CLUAP1: variants seen among roughly 807,000 people sequenced by gnomAD.
CLUAP1 encodes intraflagellar transport 38, also known as clusterin-associated protein 1.
Under a neutral mutation model 55.0 loss-of-function variants are expected in CLUAP1, and 50 were observed. The ratio of observed to expected loss-of-function variants is 0.91; its 90% CI spans 0.72 to 1.15. CLUAP1 has a LOEUF of 1.15. Among genes scored for constraint, CLUAP1 ranks in the 50% most tolerant of loss-of-function variants. CLUAP1 has a pLI of 0.00. For synonymous variants in CLUAP1, 195 were observed against 175.4 expected (o/e 1.11, Z -0.88); for missense variants, 530 against 507.6 (o/e 1.04, Z -0.42).
At chr16:3,496,289 G>A, upstream of CLUAP1, 1 of 851,200 alleles carries the variant, frequency 1.2e-6, no homozygotes, top group Non-Finnish European at 1.9e-6. Context: ...CTGTTTGTTG[G>A]TCAAGCTGTA....
At position 3,530,603 on chromosome 16, in the gene CLUAP1, G is replaced by A. The variant is rs371808643; in HGVS notation, c.964G>A (p.Asp322Asn). The change falls in exon 10 of 12, where the codon GAT becomes AAT. Residue 322 changes from aspartate to asparagine, a missense_variant. Asp to Asn is a conservative substitution (Grantham distance 23). Coordinates refer to ENST00000576634, the MANE Select transcript of CLUAP1 (RefSeq NM_015041.3). ...CTCGGACATAGACATCCAGGAGGAC[G>A]ATGAATCCGACAGTGAGTTGGAAGA... Reference protein sequence around the residue: ...DDSDIDIQEDDESDSELEERR... With the variant: ...DDSDIDIQEDNESDSELEERR... The A allele has an allele frequency of 2.7e-5, 44 of 1,613,930 alleles. No homozygotes were observed. The Admixed American group carries it at 3.2e-4, about 12-fold the overall frequency.
chr16:3,517,041 T>TA (rs955208362), intron 6 of CLUAP1, among the ~76,000 whole-genome samples: 2 of 151,622 alleles, frequency 1.3e-5, no homozygotes, highest in African/African-American at 4.8e-5. Flanking sequence ...TTCACTGGCA[T>TA]AAAAAAATAA....
At position 3,536,373 on chromosome 16, in the gene CLUAP1, G is replaced by T; in HGVS notation, c.*102G>T. On this transcript the variant is annotated 3_prime_UTR_variant, in exon 12 of 12. Coordinates refer to ENST00000576634, the MANE Select transcript of CLUAP1 (RefSeq NM_015041.3). ...TAACCCCTGTTTTGTTTACTAAGCT[G>T]GCTGGACTCATGATCACTGAAGCAA... is the stretch of plus-strand genomic sequence containing the variant. 7.8e-7 allele frequency: 1 copy of T among 1,276,690 alleles called. No homozygotes were observed. The highest frequency in any genetic ancestry group is 1.1e-6 in the Non-Finnish European group (1 of 916,812). 79.1% of individuals were successfully genotyped at this position (1,276,690 alleles called of 1,614,324 possible). A position where few individuals can be genotyped will look rare whatever the true frequency, so the allele number is the denominator to read the frequency against.
chr16:3,521,934 C>T (rs1596396621), intron 7 of CLUAP1, among the ~76,000 whole-genome samples: 1 of 151,954 alleles, frequency 6.6e-6, no homozygotes, highest in Non-Finnish European at 1.5e-5. Context: ...TGGCACATGT[C>T]TGTAGTCCCA....
intron 7 of CLUAP1, among the ~76,000 whole-genome samples, chr16:3,521,792 C>T (rs981822548): frequency 3.3e-5 from 5 of 151,532 alleles, no homozygotes; most frequent in African/African-American, 1.2e-4. Flanking sequence ...CAGTGATTCA[C>T]GTCTATAATC....
rs61672090 is a variant in CLUAP1, at chr16:3,507,680, T to TTGTGTGTGTGTG, written c.220-582_220-571dup. On this transcript the variant is annotated intron_variant, in intron 3 of 11. Transcript: ENST00000576634. ...CACTATTTTAAATCTCTTCCAGAGT[T>TTGTGTGTGTGTG]TGTGTGTGTGTGTGTGTGTGTGTGT... 6.2e-3 allele frequency among the ~76,000 whole-genome samples: 881 copies of TTGTGTGTGTGTG among 143,072 alleles called. 7 individuals are homozygous for TTGTGTGTGTGTG. Among genetic ancestry groups the TTGTGTGTGTGTG allele is most frequent in the East Asian group, 0.021 (105 of 4,960 alleles). The allele number at this position is 143,072 out of a possible 152,430, so 93.9% of individuals were successfully genotyped here.
rs2037507290 is a variant in CLUAP1 at position 3,506,405 on chromosome 16, C to T, written c.209C>T (p.Ala70Val). The T allele has an allele frequency of 6.2e-7, 1 of 1,612,684 alleles. No individual in the cohort carries two copies. The highest frequency in any genetic ancestry group is 8.5e-7 in the Non-Finnish European group (1 of 1,178,666). The change falls in exon 3 of 12, where the codon GCC becomes GTC. Residue 70 changes from alanine to valine, a missense_variant. Ala to Val is a moderately conservative substitution (Grantham distance 64, BLOSUM62 0). Coordinates refer to ENST00000576634, the MANE Select transcript of CLUAP1 (RefSeq NM_015041.3). ...QDRVFFIKAI[A>V]QFMATKAHIK... is the part of the protein sequence containing the mutation. ...CGAGTTTTCTTCATTAAGGCAATTG[C>T]CCAGTTCATGGTTAGTGGACACTTA...
At chr16:3,507,298 A>G (rs2037526240) in intron 3 of CLUAP1, among the ~76,000 whole-genome samples, 1 of 152,108 alleles carries the variant, frequency 6.6e-6, no homozygotes, top group Non-Finnish European at 1.5e-5. Flanking sequence ...CATGCCTGTA[A>G]TCCTAGCACT....
chr16:3,508,722 G>A (rs1049673716), intron 4 of CLUAP1, among the ~76,000 whole-genome samples: 1 of 150,248 alleles, frequency 6.7e-6, no homozygotes. Context: ...GACAAAAATC[G>A]TGTGTTTATT....
In CLUAP1 at chr16:3,508,410, A is replaced by T. The variant is rs2037550812; in HGVS notation, c.341A>T (p.Glu114Val). The change falls in exon 4 of 12, where the codon GAG (glutamate) becomes GTG (valine). Residue 114 changes from glutamate (E) to valine (V), a missense_variant. Coordinates refer to ENST00000576634, the MANE Select transcript of CLUAP1 (RefSeq NM_015041.3). ...LYNAMKTKGM[E>V]GSEIVEEDVN... The stretch of plus-strand genomic sequence containing the variant: ...AATGCTATGAAGACCAAGGGGATGG[A>T]GGGCTCTGAAATAGTAGAGGAAGAT... 1.3e-6 allele frequency: 2 copies of T among 1,597,098 alleles called. No homozygotes were observed. The highest frequency in any genetic ancestry group is 1.7e-6 in the Non-Finnish European group (2 of 1,176,070).
At chr16:3,500,268 G>A (rs77986209), upstream of CLUAP1, among the ~76,000 whole-genome samples, 17 of 152,362 alleles carry the variant, frequency 1.1e-4, no homozygotes, top group East Asian at 3.3e-3. Context: ...CTGCCTCTGG[G>A]CGCCCACAGT....
intron 7 of CLUAP1, among the ~76,000 whole-genome samples, chr16:3,521,066 C>G (rs558181231): frequency 6.6e-6 from 1 of 152,098 alleles, no homozygotes; most frequent in East Asian, 1.9e-4. Flanking sequence ...CTGGAGGCAG[C>G]GACAGCAACC....
At chr16:3,495,465 A>G in the CLUAP1 span, 1 of 1,598,858 alleles carries the variant, frequency 6.3e-7, no homozygotes, top group Non-Finnish European at 8.5e-7. Context: ...ACTTGGGTGC[A>G]GCAGGGCCCT....
chr16:3,500,835 T>G (rs1265583149), upstream of CLUAP1: 1 of 573,044 alleles, frequency 1.7e-6, no homozygotes, highest in African/African-American at 1.9e-5. Context: ...GCAGCCCTCA[T>G]AGACGCCGGT....
At chr16:3,519,200 C>G (rs1195609035) in intron 6 of CLUAP1, among the ~76,000 whole-genome samples, 2 of 152,180 alleles carry the variant, frequency 1.3e-5, no homozygotes, top group Non-Finnish European at 1.5e-5. Flanking sequence ...TCAGTGGGCC[C>G]GTGTCCCCCT....
intron 3 of CLUAP1, among the ~76,000 whole-genome samples, chr16:3,506,736 C>G (rs1331636404): frequency 2.0e-5 from 3 of 152,096 alleles, no homozygotes; most frequent in African/African-American, 7.2e-5. Flanking sequence ...CTCCCGACCT[C>G]AAGTAATCCA....
intron 2 of CLUAP1, among the ~76,000 whole-genome samples, chr16:3,505,454 C>T (rs993423565): frequency 3.3e-5 from 5 of 149,852 alleles, no homozygotes; most frequent in Admixed American, 1.3e-4. Context: ...GGAGTGAACC[C>T]GGGAGGCGGA....
chr16:3,533,280 C>A, intron 11 of CLUAP1: 2 of 746,666 alleles, frequency 2.7e-6, no homozygotes, highest in Non-Finnish European at 2.2e-6. Flanking sequence ...CAAAAGAGAT[C>A]CTGTGGTGAC....
chr16:3,527,657 C>T (rs944989386), intron 9 of CLUAP1, among the ~76,000 whole-genome samples: 5 of 152,172 alleles, frequency 3.3e-5, no homozygotes, highest in Admixed American at 1.3e-4. Context: ...CCCGGTGATA[C>T]TGTGCTTCAG....
Sources: gnomAD v4.1 joint callset for allele counts (sites outside exome capture counted in the v4.1 genomes callset) on GRCh38, gnomAD v4.1.1 for gene constraint, MANE v1.5 for transcripts, NCBI Gene and HGNC (gene_info 2026-07-23, HGNC 2026-07-21) for gene names.